The following ZNF326 variants were observed in gnomAD, a reference collection of about 807,000 sequenced individuals.
ZNF326 encodes DBIRD complex subunit ZNF326.
ZNF326 carries 30 observed loss-of-function variants against 63.1 expected under a neutral mutation model. The ratio of observed to expected loss-of-function variants is 0.48; its 90% CI spans 0.36 to 0.64. The LOEUF (loss-of-function observed/expected upper bound fraction) is 0.64, where lower values mean the gene tolerates loss of function less well. Ranked by LOEUF, ZNF326 falls within the 30% of genes least tolerant of loss-of-function variation. ZNF326 has a pLI of 0.00. For synonymous variants in ZNF326, 194 were observed against 228.2 expected (o/e 0.85, Z 1.35); for missense variants, 609 against 720.3 (o/e 0.85, Z 1.77).
intron 2 of ZNF326, among the ~76,000 whole-genome samples, chr1:90,000,023 C>A (rs967506434): frequency 6.6e-6 from 1 of 151,916 alleles, no homozygotes; most frequent in Non-Finnish European, 1.5e-5. Context: ...ATGATCATTG[C>A]GAGGGAGAGT....
rs555850455 is a variant in ZNF326 at position 90,031,289 on chromosome 1, T to C, written c.*3588T>C. The C allele has an allele frequency of 7.9e-5, 12 of 152,110 alleles. No individual in the cohort carries two copies. Among genetic ancestry groups the C allele is most frequent in the Admixed American group, 1.3e-4 (2 of 15,300 alleles). 9.4% of individuals were successfully genotyped at this position (152,110 alleles called of 1,614,324 possible). On this transcript the variant is annotated 3_prime_UTR_variant, in exon 12 of 12. Coordinates refer to ENST00000340281, the MANE Select transcript of ZNF326 (RefSeq NM_182976.4). ...TATAATAAGCCCACTCTTGTACATG[T>C]AGAAACAGAGAAAAGAACTACAAAG... is the stretch of plus-strand genomic sequence containing the variant.
intron 11 of ZNF326, among the ~76,000 whole-genome samples, chr1:90,024,969 AT>A (rs997141722): frequency 1.7e-5 from 2 of 120,760 alleles, no homozygotes; most frequent in African/African-American, 6.2e-5. Context: ...CTTGCATCTG[AT>A]TTTTTTCCTG....
chr1:89,995,540 A>G (rs539493198), intron 1 of ZNF326, among the ~76,000 whole-genome samples: 1 of 152,214 alleles, frequency 6.6e-6, no homozygotes, highest in South Asian at 2.1e-4. Flanking sequence ...TCCGGGCTGG[A>G]GCCCCAGACT....
At chr1:90,005,834 C>T in intron 4 of ZNF326, 2 of 985,458 alleles carry the variant, frequency 2.0e-6, no homozygotes, top group Non-Finnish European at 2.4e-6. Flanking sequence ...CACTTGTGCT[C>T]TAGGCTAGAA....
rs140692940 is a variant in ZNF326 at position 90,010,161 on chromosome 1, C to T, written c.689C>T (p.Thr230Ile). The change falls in exon 6 of 12, where the codon ACA becomes ATA. Residue 230 changes from threonine (T) to isoleucine (I), a missense_variant. Around this residue, in one of 3 missense-constraint regions of ZNF326, gnomAD observed 399 missense variants for 444.3 expected, o/e 0.90. Transcript: ENST00000340281. ...TATCAAAACAAATCCACCAATGTGA[C>T]AGTTGCTGCTGCAAGAGGAATAAAG... is the stretch of plus-strand genomic sequence containing the variant. Reference protein sequence around the residue: ...VDYQNKSTNVTVAAARGIKRK... With the variant: ...VDYQNKSTNVIVAAARGIKRK... 26 of 1,613,706 alleles carry T rather than the reference C, an allele frequency of 1.6e-5. No homozygotes were observed. The highest frequency in any genetic ancestry group is 4.0e-5 in the African/African-American group (3 of 74,892).
At chr1:89,998,836 A>G (rs1186221943) in intron 2 of ZNF326, among the ~76,000 whole-genome samples, 1 of 152,248 alleles carries the variant, frequency 6.6e-6, no homozygotes, top group Non-Finnish European at 1.5e-5. Flanking sequence ...ATTAAATATC[A>G]TGATTGCCAG....
In ZNF326 at chr1:90,010,592, G is replaced by A. The variant is rs546686877; in HGVS notation, c.814+306G>A. ...ATTTGCTGCCTAAGTCAAACAACCA[G>A]TGAATGGTAATGCCAGTATTTATTC... On this transcript the variant is annotated intron_variant, in intron 6 of 11. Transcript: ENST00000340281. Among the ~76,000 whole-genome samples, 21 of 152,222 alleles carry A rather than the reference G, an allele frequency of 1.4e-4. No individual in the cohort carries two copies. In the East Asian group the frequency reaches 2.9e-3, roughly 21 times the overall value.
chr1:90,001,199 A>G lies in ZNF326; in HGVS notation c.61+3045A>G, dbSNP rs534162723. ...ACCAAAAATGTTTCAGACATTGCCA[A>G]TGTCCCCAGGGGGTGCAAAATCTCC... On this transcript the variant is annotated intron_variant, in intron 2 of 11. Coordinates refer to ENST00000340281, the MANE Select transcript of ZNF326 (RefSeq NM_182976.4). Among the ~76,000 whole-genome samples the G allele has an allele frequency of 4.4e-4, 67 of 152,286 alleles. No homozygotes were observed. The South Asian group carries it at 5.4e-3, about 12-fold the overall frequency.
chr1:90,020,469 T>C (rs2101086880), intron 9 of ZNF326, among the ~76,000 whole-genome samples: 1 of 152,220 alleles, frequency 6.6e-6, no homozygotes, highest in African/African-American at 2.4e-5. Flanking sequence ...ATCATGGAAA[T>C]TCTTATTTTA....
intron 6 of ZNF326, among the ~76,000 whole-genome samples, chr1:90,012,782 C>A (rs1016440900): frequency 6.6e-6 from 1 of 151,892 alleles, no homozygotes; most frequent in African/African-American, 2.4e-5. Context: ...AGTGTTTTTC[C>A]CAAAGTATGT....
intron 11 of ZNF326, among the ~76,000 whole-genome samples, chr1:90,025,244 T>C (rs900770750): frequency 6.6e-6 from 1 of 152,168 alleles, no homozygotes. Context: ...CTAAGCCCTT[T>C]TTTAGGCTTT....
rs1182808226 is a variant in ZNF326 at position 90,007,732 on chromosome 1, C to T, written c.597C>T (p.Gly199=). Residue 199 remains glycine (G), a synonymous_variant, in exon 5 of 12, where the codon GGC becomes GGT. Transcript: ENST00000340281. The surrounding 1 kb of genome is among the most constrained non-coding windows in gnomAD (Gnocchi z 4.9). ...ATGCTTTTGGAGGACCATCAACAGG[C>T]AGAGGCCGAGGCCGAGGAGTAAGTA... is the stretch of plus-strand genomic sequence containing the variant. ...NYDAFGGPST[G]RGRGRGHMGD... The T allele has an allele frequency of 6.6e-7, 1 of 1,510,420 alleles. No individual in the cohort carries two copies. 93.6% of individuals were successfully genotyped at this position (1,510,420 alleles called of 1,614,324 possible). A position where few individuals can be genotyped will look rare whatever the true frequency, so the allele number is the denominator to read the frequency against.
chr1:89,995,231 C>T lies in ZNF326; in HGVS notation c.-27C>T. 1.9e-6 allele frequency: 3 copies of T among 1,545,416 alleles called. No individual in the cohort carries two copies. The highest frequency in any genetic ancestry group is 2.5e-5 in the East Asian group (1 of 39,724). ...CGGCCATAGCTCAGCCTAGCGCCGC[C>T]AAGGCCGACGGCCCTCAGCCTCTGC... is the stretch of plus-strand genomic sequence containing the variant. On this transcript the variant is annotated 5_prime_UTR_variant, in exon 1 of 12. Coordinates refer to ENST00000340281, the MANE Select transcript of ZNF326 (RefSeq NM_182976.4).
At chr1:90,017,499 T>C in intron 8 of ZNF326, 35 bp downstream of exon 8, 1 of 1,540,506 alleles carries the variant, frequency 6.5e-7, no homozygotes, top group South Asian at 1.3e-5. Flanking sequence ...AAGCATTTTA[T>C]TGATATGAAT....
chr1:90,004,798 C>CT (rs34878438), intron 2 of ZNF326, among the ~76,000 whole-genome samples: 685 of 68,118 alleles, frequency 0.01, 35 homozygotes, highest in African/African-American at 0.037. Context: ...AATATCAGGG[C>CT]TTTTTTTTTT....
At position 90,017,328 on chromosome 1, in the gene ZNF326, C is replaced by A; in HGVS notation, c.938C>A (p.Thr313Lys). Residue 313 changes from threonine (T) to lysine (K), a missense_variant, in exon 8 of 12, where the codon ACA becomes AAA. Coordinates refer to ENST00000340281, the MANE Select transcript of ZNF326 (RefSeq NM_182976.4). ...TTTTTCTCTTACAGAATGGCATTTA[C>A]ATGTTCATTTTGTAAATTTCGAACA... ...KYGDGYRMAF[T>K]CSFCKFRTFE... The A allele has an allele frequency of 6.3e-7, 1 of 1,593,898 alleles. No homozygotes were observed.
chr1:90,015,385 T>G (rs1018045321), intron 7 of ZNF326, among the ~76,000 whole-genome samples: 23 of 152,136 alleles, frequency 1.5e-4, no homozygotes, highest in African/African-American at 5.5e-4. Flanking sequence ...AACTTCTAAA[T>G]AAGGGTATAG....
At chr1:90,017,491 G>T (rs536418976) in intron 8 of ZNF326, 27 bp downstream of exon 8, 2 of 1,546,942 alleles carry the variant, frequency 1.3e-6, no homozygotes, top group East Asian at 4.9e-5. Context: ...GAAGTGAGAA[G>T]CATTTTATTG....
intron 7 of ZNF326, among the ~76,000 whole-genome samples, chr1:90,015,455 G>A (rs927074826): frequency 6.6e-6 from 1 of 152,140 alleles, no homozygotes; most frequent in African/African-American, 2.4e-5. Context: ...CAAGGCAGGC[G>A]GATTGCTTGA....
Sources: gnomAD v4.1 joint callset for allele counts (sites outside exome capture counted in the v4.1 genomes callset) on GRCh38, gnomAD v4.1.1 for gene constraint, gnomAD v4.1.1 regional missense constraint, Gnocchi (gnomAD v3.1) non-coding constraint, MANE v1.5 for transcripts, NCBI Gene and HGNC (gene_info 2026-07-23, HGNC 2026-07-21) for gene names.